Variants in MVB12B observed in about 807,000 individuals in gnomAD.
MVB12B encodes the protein multivesicular body subunit 12B, also known as ESCRT-I complex subunit MVB12B.
MVB12B carries 16 observed loss-of-function variants against 41.6 expected under a neutral mutation model. The ratio of observed to expected loss-of-function variants is 0.38; its 90% CI spans 0.26 to 0.58. MVB12B has a LOEUF of 0.58. MVB12B is among the 20% of genes least tolerant of loss of function. The probability of loss-of-function intolerance (pLI) is 0.62; values close to 1 mark genes in which losing one functional copy is unlikely to be tolerated. For missense variants in MVB12B, 274 were observed against 380.2 expected (o/e 0.72, Z 2.32); for synonymous variants, 133 against 139.7 (o/e 0.95, Z 0.34).
At chr9:126,365,372 G>T in intron 2 of MVB12B, among the ~76,000 whole-genome samples, 1 of 119,140 alleles carries the variant, frequency 8.4e-6, no homozygotes, top group South Asian at 3.0e-4. Context: ...TCGCTCTGTT[G>T]CCCAGGCTGG....
At chr9:126,444,670 G>A (rs957369604) in intron 7 of MVB12B, among the ~76,000 whole-genome samples, 12 of 151,904 alleles carry the variant, frequency 7.9e-5, no homozygotes, top group South Asian at 4.2e-4. Context: ...TTGCCATCAC[G>A]TTTTAGAAAA....
At chr9:126,385,956 A>G (rs150588482) in intron 3 of MVB12B, among the ~76,000 whole-genome samples, 12 of 152,332 alleles carry the variant, frequency 7.9e-5, no homozygotes, top group Admixed American at 1.3e-4. Context: ...TGTGGACCCC[A>G]TATACTACCA....
intron 7 of MVB12B, among the ~76,000 whole-genome samples, chr9:126,440,592 C>T (rs1189619096): frequency 1.3e-5 from 2 of 152,188 alleles, no homozygotes; most frequent in African/African-American, 4.8e-5. Context: ...GAGCCCCTCA[C>T]ACGCGTGAAA....
Position 126,441,278 on chromosome 9 carries a change from TAGAG to T in MVB12B, c.757+19335_757+19338del, listed in dbSNP as rs528209555. ...GAAGGCGAAACAAAAGGGAGCATAA[TAGAG>T]AGAGGCACGGATCCCAGAGCTTTCA... On this transcript the variant is annotated intron_variant, in intron 7 of 9. Coordinates refer to ENST00000361171, the MANE Select transcript of MVB12B (RefSeq NM_033446.3). 1.5e-3 allele frequency among the ~76,000 whole-genome samples: 231 copies of T among 152,302 alleles called. 2 individuals carry two copies. The highest frequency in any genetic ancestry group is 2.7e-3 in the Non-Finnish European group (181 of 68,040).
rs925005316 is a variant in MVB12B, at chr9:126,436,421, G to A, written c.757+14473G>A. Among the ~76,000 whole-genome samples, 1 of 152,204 alleles carries A rather than the reference G, an allele frequency of 6.6e-6. No individual in the cohort carries two copies. Among genetic ancestry groups the A allele is most frequent in the Non-Finnish European group, 1.5e-5 (1 of 68,038 alleles). ...TAAAAACAGATTAATTGTAGCCCTC[G>A]CAGTGGGTGGAGTTTCAAAGTCAAT... On this transcript the variant is annotated intron_variant, in intron 7 of 9. Transcript: ENST00000361171. This position sits in a 1 kb window ranked among gnomAD's most constrained non-coding sequence, Gnocchi z 4.1.
intron 2 of MVB12B, among the ~76,000 whole-genome samples, chr9:126,343,978 A>G (rs1042252889): frequency 1.3e-5 from 2 of 151,582 alleles, no homozygotes; most frequent in Non-Finnish European, 2.9e-5. Flanking sequence ...CTGCAACACT[A>G]TATTTATGAG....
chr9:126,350,557 C>T (rs1000499447), intron 2 of MVB12B, among the ~76,000 whole-genome samples: 3 of 152,206 alleles, frequency 2.0e-5, no homozygotes, highest in African/African-American at 4.8e-5. Flanking sequence ...GGCCTTCTTG[C>T]TTGGTGAAGA....
intron 7 of MVB12B, among the ~76,000 whole-genome samples, chr9:126,432,554 TACCC>T (rs1832358240): frequency 6.6e-6 from 1 of 152,244 alleles, no homozygotes; most frequent in African/African-American, 2.4e-5. Flanking sequence ...TACTGAATAA[TACCC>T]AGCCTTCCTC....
chr9:126,330,921 G>A (rs1305139340), intron 1 of MVB12B, among the ~76,000 whole-genome samples: 1 of 152,106 alleles, frequency 6.6e-6, no homozygotes, highest in East Asian at 1.9e-4. Flanking sequence ...GGTTCATCAT[G>A]TTGTAGCATA....
At chr9:126,402,824 C>G (rs1485942526) in intron 6 of MVB12B, among the ~76,000 whole-genome samples, 1 of 152,242 alleles carries the variant, frequency 6.6e-6, no homozygotes, top group Non-Finnish European at 1.5e-5. Context: ...TGTTTTACCT[C>G]TAAAGACAGA....
intron 6 of MVB12B, among the ~76,000 whole-genome samples, chr9:126,412,462 G>T (rs939439642): frequency 6.6e-6 from 1 of 152,124 alleles, no homozygotes; most frequent in Non-Finnish European, 1.5e-5. Context: ...TCCACCAGCA[G>T]ACACATTATA....
At chr9:126,396,477 C>T in intron 6 of MVB12B, 2 of 985,472 alleles carry the variant, frequency 2.0e-6, no homozygotes, top group Non-Finnish European at 2.4e-6. Context: ...AATGGATCTC[C>T]AAGCTTCCAC....
At chr9:126,466,867 G>A (rs571165801) in intron 7 of MVB12B, among the ~76,000 whole-genome samples, 12 of 151,718 alleles carry the variant, frequency 7.9e-5, no homozygotes, top group African/African-American at 2.4e-4. Context: ...TGGCTCTATC[G>A]CCCAGGCTGG....
At chr9:126,414,985 C>T (rs1286864426) in intron 6 of MVB12B, among the ~76,000 whole-genome samples, 1 of 152,122 alleles carries the variant, frequency 6.6e-6, no homozygotes, top group Non-Finnish European at 1.5e-5. Flanking sequence ...TCGCCTCGGC[C>T]TTCCAAAGTC....
rs751579060 is a variant in MVB12B at position 126,498,409 on chromosome 9, T to TG, written c.874-4766dup. Among the ~76,000 whole-genome samples, 32 of 152,324 alleles carry TG rather than the reference T, an allele frequency of 2.1e-4. 1 individual carries two copies. Among genetic ancestry groups the TG allele is most frequent in the East Asian group, 1.5e-3 (8 of 5,178 alleles). The stretch of plus-strand genomic sequence containing the variant: ...CACCCCTGCACCAGACTCTTCTCGT[T>TG]GGCCCCAGCCTTGGCCCCTTTGGTT... On this transcript the variant is annotated intron_variant, in intron 9 of 9. Coordinates refer to ENST00000361171, the MANE Select transcript of MVB12B (RefSeq NM_033446.3).
intron 7 of MVB12B, among the ~76,000 whole-genome samples, chr9:126,429,666 C>T (rs758463606): frequency 3.9e-5 from 6 of 152,192 alleles, no homozygotes; most frequent in South Asian, 2.1e-4. Context: ...TTAACCCTTT[C>T]GAAATGCAAA....
At chr9:126,462,042 G>A (rs1286297277) in intron 7 of MVB12B, among the ~76,000 whole-genome samples, 1 of 152,202 alleles carries the variant, frequency 6.6e-6, no homozygotes, top group African/African-American at 2.4e-5. Flanking sequence ...ACACAGGATC[G>A]TTTTAAAATT....
At chr9:126,368,010 A>G (rs1830231053) in intron 2 of MVB12B, among the ~76,000 whole-genome samples, 1 of 152,260 alleles carries the variant, frequency 6.6e-6, no homozygotes, top group African/African-American at 2.4e-5. Context: ...ATGATGGCAC[A>G]TGCTGGGGAG....
intron 6 of MVB12B, among the ~76,000 whole-genome samples, chr9:126,405,627 C>A (rs1462157133): frequency 6.6e-6 from 1 of 151,798 alleles, no homozygotes; most frequent in Middle Eastern, 3.4e-3. Context: ...CCCCCTACCC[C>A]CCGCCCCAAC....
Sources: allele counts gnomAD v4.1 joint callset (sites outside exome capture counted in the v4.1 genomes callset), GRCh38; gene constraint gnomAD v4.1.1; non-coding constraint Gnocchi (gnomAD v3.1); transcripts MANE v1.5; gene names NCBI Gene and HGNC (gene_info 2026-07-23, HGNC 2026-07-21).